Variants in STK3 observed in about 807,000 individuals in gnomAD.
STK3 encodes the protein serine/threonine-protein kinase 3.
Under a neutral mutation model 58.0 loss-of-function variants are expected in STK3, and 41 were observed. The ratio of observed to expected loss-of-function variants is 0.71; its 90% CI spans 0.55 to 0.92. STK3 has a LOEUF of 0.92. Ranked by LOEUF, STK3 falls within the 40% of genes least tolerant of loss-of-function variation. The pLI is 0.00. For missense variants in STK3, 479 were observed against 602.7 expected, an observed-to-expected ratio of 0.79 and a Z score of 2.15; for synonymous variants, 170 against 191.0, an observed-to-expected ratio of 0.89 and a Z score of 0.91.
At chr8:98,901,784 G>C (rs1031436029) in intron 1 of STK3, among the ~76,000 whole-genome samples, 9 of 152,226 alleles carry the variant, frequency 5.9e-5, no homozygotes, top group African/African-American at 2.2e-4. Flanking sequence ...TCAGTTGTCT[G>C]AAATCCTCAG....
chr8:98,793,126 T>A (rs539865119), intron 1 of STK3, among the ~76,000 whole-genome samples: 4 of 152,068 alleles, frequency 2.6e-5, no homozygotes, highest in Admixed American at 2.6e-4. Flanking sequence ...AGCTAAGCTA[T>A]GAGGACGCAA....
At chr8:98,804,095 A>G (rs1029882984) in intron 1 of STK3, among the ~76,000 whole-genome samples, 7 of 151,870 alleles carry the variant, frequency 4.6e-5, no homozygotes, top group Non-Finnish European at 7.4e-5. Flanking sequence ...TCCGCCTCCC[A>G]GGTTCAAGCA....
rs562771749 is a variant in STK3 at position 98,747,028 on chromosome 8, C to T, written c.351+2248G>A. ...CTGCATTCTAGCCTGGGCAAAAGAG[C>T]GAGAACCTGTCTCAGAAAAAGGAAA... On this transcript the variant is annotated intron_variant, in intron 4 of 10. Coordinates refer to ENST00000419617, the MANE Select transcript of STK3 (RefSeq NM_006281.4). Among the ~76,000 whole-genome samples the T allele has an allele frequency of 3.3e-4, 48 of 144,470 alleles. 1 individual carries two copies. The highest frequency in any genetic ancestry group is 7.5e-4 in the African/African-American group (29 of 38,686). 94.8% of individuals were successfully genotyped at this position (144,470 alleles called of 152,430 possible).
At chr8:98,452,073 C>T (rs1355635914), downstream of STK3, among the ~76,000 whole-genome samples, 1 of 152,086 alleles carries the variant, frequency 6.6e-6, no homozygotes, top group Non-Finnish European at 1.5e-5. Context: ...TAATCTTTAA[C>T]ATACAGGATA....
At chr8:98,588,651 C>T (rs1814919872) in intron 7 of STK3, among the ~76,000 whole-genome samples, 1 of 151,422 alleles carries the variant, frequency 6.6e-6, no homozygotes, top group Admixed American at 6.6e-5. Flanking sequence ...GCCTGCCTTG[C>T]TAGATTGGGG....
chr8:98,610,008 C>T (rs992715502), intron 6 of STK3, among the ~76,000 whole-genome samples: 1 of 150,156 alleles, frequency 6.7e-6, no homozygotes, highest in Admixed American at 6.6e-5. Context: ...ATCAGATAAA[C>T]TAATTGCATG....
At chr8:98,619,974 C>CCAAATGA (rs1201821535) in intron 6 of STK3, among the ~76,000 whole-genome samples, 7 of 94,304 alleles carry the variant, frequency 7.4e-5, no homozygotes, top group Non-Finnish European at 1.5e-4. Flanking sequence ...GGGTATATAC[C>CCAAATGA]CAAATGACTA....
chr8:98,625,535 CACCT>C (rs924398061), intron 6 of STK3, among the ~76,000 whole-genome samples: 5 of 152,136 alleles, frequency 3.3e-5, no homozygotes, highest in African/African-American at 9.7e-5. Context: ...CCCTCCCTCC[CACCT>C]ATTAAAACTT....
intron 4 of STK3, among the ~76,000 whole-genome samples, chr8:98,740,395 C>G (rs915887055): frequency 1.8e-4 from 28 of 152,234 alleles, no homozygotes; most frequent in Non-Finnish European, 3.2e-4. Context: ...CAGCTGATCT[C>G]TCAGCAGAAA....
chr8:98,844,903 A>G lies in STK3; in HGVS notation c.110+38744T>C, dbSNP rs574284558. 5.9e-5 allele frequency among the ~76,000 whole-genome samples: 9 copies of G among 152,306 alleles called. 1 individual carries two copies. In the South Asian group the frequency reaches 1.9e-3, roughly 32 times the overall value. On this transcript the variant is annotated intron_variant, in intron 3 of 12. Transcript: ENST00000523601. ...CTGGTATACAGCTTTGGAGCTAGGA[A>G]GTGTTTTTTCTACTTTCCAATAAGC... is the stretch of plus-strand genomic sequence containing the variant.
intron 1 of STK3, among the ~76,000 whole-genome samples, chr8:98,788,555 C>T (rs571670513): frequency 1.2e-4 from 18 of 152,078 alleles, no homozygotes; most frequent in African/African-American, 4.1e-4. Flanking sequence ...TAAGGACTCA[C>T]ATAAACTTAA....
intron 3 of STK3, among the ~76,000 whole-genome samples, chr8:98,412,084 T>C (rs1486408332): frequency 6.6e-6 from 1 of 152,214 alleles, no homozygotes; most frequent in Non-Finnish European, 1.5e-5. Flanking sequence ...CCCGCAAGGA[T>C]TGATCCAAGT....
exon 3 of STK3, chr8:98,434,244 C>G (rs1479870974): frequency 6.6e-6 from 1 of 152,314 alleles, no homozygotes; most frequent in Non-Finnish European, 1.5e-5. Context: ...CACAGCACTG[C>G]TCTCCAACCT....
intron 3 of STK3, among the ~76,000 whole-genome samples, chr8:98,395,469 A>G (rs979639328): frequency 6.6e-6 from 1 of 152,234 alleles, no homozygotes; most frequent in Non-Finnish European, 1.5e-5. Context: ...GCATAACATA[A>G]ATGTTGACAC....
At chr8:98,410,159 G>C (rs1586551553) in intron 3 of STK3, among the ~76,000 whole-genome samples, 1 of 152,168 alleles carries the variant, frequency 6.6e-6, no homozygotes, top group African/African-American at 2.4e-5. Flanking sequence ...CGGTTTGGAA[G>C]ATCTTAGAAG....
intron 8 of STK3, among the ~76,000 whole-genome samples, chr8:98,571,674 T>C (rs958350751): frequency 6.6e-6 from 1 of 152,208 alleles, no homozygotes; most frequent in Non-Finnish European, 1.5e-5. Flanking sequence ...TTAGACTTCT[T>C]TTCTTTGAGT....
intron 10 of STK3, among the ~76,000 whole-genome samples, chr8:98,522,137 T>C (rs1825410725): frequency 6.6e-6 from 1 of 152,190 alleles, no homozygotes; most frequent in Non-Finnish European, 1.5e-5. Flanking sequence ...AAAGTTACTT[T>C]CAGGAGTTAG....
intron 3 of STK3, among the ~76,000 whole-genome samples, chr8:98,864,326 A>G (rs1400809737): frequency 6.6e-6 from 1 of 152,054 alleles, no homozygotes; most frequent in Non-Finnish European, 1.5e-5. Context: ...ATCAACTTGT[A>G]AACCTGAGTA....
intron 9 of STK3, among the ~76,000 whole-genome samples, chr8:98,547,504 C>T (rs78316291): frequency 0.023 from 3,445 of 152,194 alleles, 77 homozygotes; most frequent in East Asian, 0.081. Context: ...TATGAGCATC[C>T]CTGTCTCTTA....
Sources: allele counts gnomAD v4.1 joint callset (sites outside exome capture counted in the v4.1 genomes callset), GRCh38; gene constraint gnomAD v4.1.1; transcripts MANE v1.5; gene names NCBI Gene and HGNC (gene_info 2026-07-23, HGNC 2026-07-21).